The following WWOX variants were observed in gnomAD, a reference collection of about 807,000 sequenced individuals.
The protein encoded by WWOX is WW domain-containing oxidoreductase.
A neutral mutation model predicts 46.2 loss-of-function variants in WWOX; 69 were observed. That is an observed-to-expected ratio of 1.49 (90% confidence interval 1.23 to 1.82). The LOEUF is 1.82. Among genes scored for constraint, WWOX ranks in the 40% most tolerant of loss-of-function variants. The probability of loss-of-function intolerance (pLI) is 0.00; values close to 1 mark genes in which losing one functional copy is unlikely to be tolerated. For synonymous variants in WWOX, 359 were observed against 202.6 expected (o/e 1.77, Z -6.56); for missense variants, 919 against 542.6 (o/e 1.69, Z -6.89).
intron 5 of WWOX, among the ~76,000 whole-genome samples, chr16:78,186,652 C>G (rs978550726): frequency 6.6e-6 from 1 of 152,174 alleles, no homozygotes; most frequent in African/African-American, 2.4e-5. Flanking sequence ...GTAATCCCAG[C>G]TACTGAGGAG....
At chr16:78,285,961 A>G (rs555364957) in intron 5 of WWOX, among the ~76,000 whole-genome samples, 1 of 152,152 alleles carries the variant, frequency 6.6e-6, no homozygotes, top group Non-Finnish European at 1.5e-5. Flanking sequence ...CCTGCTAGTG[A>G]ATTATGCATG....
At chr16:78,819,877 T>C (rs1475966253) in intron 8 of WWOX, among the ~76,000 whole-genome samples, 1 of 152,244 alleles carries the variant, frequency 6.6e-6, no homozygotes, top group Non-Finnish European at 1.5e-5. Flanking sequence ...TGAGTGAGAC[T>C]TGAACTCGAT....
At chr16:79,203,823 G>A (rs1403378680) in intron 8 of WWOX, 1 of 152,198 alleles carries the variant, frequency 6.6e-6, no homozygotes, top group East Asian at 1.9e-4. Flanking sequence ...TTATTTTGGT[G>A]TAGATGGCGA....
chr16:78,517,855 AT>A (rs11342538), intron 8 of WWOX, among the ~76,000 whole-genome samples: 40,937 of 86,068 alleles, frequency 0.48, 9,666 homozygotes, highest in Non-Finnish European at 0.6. Context: ...TACACAACCT[AT>A]TTTTTTTTTT....
intron 8 of WWOX, among the ~76,000 whole-genome samples, chr16:78,920,382 T>C (rs559473206): frequency 1.3e-5 from 2 of 152,288 alleles, no homozygotes; most frequent in East Asian, 3.9e-4. Context: ...TGTGATGCTT[T>C]CCTCCTTGTG....
intron 8 of WWOX, among the ~76,000 whole-genome samples, chr16:79,202,049 C>A (rs1265263138): frequency 7.0e-6 from 1 of 143,626 alleles, no homozygotes; most frequent in African/African-American, 2.7e-5. Context: ...AAATCTGGCC[C>A]AGTGCCTTTT....
At chr16:78,715,635 A>G (rs1454442529) in intron 8 of WWOX, among the ~76,000 whole-genome samples, 1 of 152,050 alleles carries the variant, frequency 6.6e-6, no homozygotes, top group African/African-American at 2.4e-5. Flanking sequence ...ACATGCCACC[A>G]CACCCAGCTT....
intron 8 of WWOX, among the ~76,000 whole-genome samples, chr16:79,184,770 A>G (rs944118990): frequency 1.1e-4 from 17 of 152,226 alleles, no homozygotes; most frequent in Admixed American, 2.0e-4. Flanking sequence ...GGAGGCACCA[A>G]TGGCAATTTG....
At chr16:78,689,337 A>G (rs1049092658) in intron 8 of WWOX, among the ~76,000 whole-genome samples, 8 of 152,292 alleles carry the variant, frequency 5.3e-5, no homozygotes, top group African/African-American at 1.9e-4. Context: ...CATGCTCTCT[A>G]AACACCCCAG....
At chr16:78,355,963 T>A in intron 5 of WWOX, 1 of 193,374 alleles carries the variant, frequency 5.2e-6, no homozygotes. Flanking sequence ...ATTCTTCCAC[T>A]CCTGAAATGA....
Position 78,593,872 on chromosome 16 carries a change from A to G in WWOX, c.1056+161120A>G, listed in dbSNP as rs1245200828. Among the ~76,000 whole-genome samples, 3 of 152,198 alleles carry G rather than the reference A, an allele frequency of 2.0e-5. No homozygotes were observed. The East Asian group carries it at 5.8e-4, about 29-fold the overall frequency. On this transcript the variant is annotated intron_variant, in intron 8 of 8. Transcript: ENST00000566780. ...GGGTCAGCTGGGCCATACATTTGTA[A>G]GCTGTAGACAAACAAAAATGATCTT...
chr16:78,270,942 G>C (rs2079465031), intron 5 of WWOX, among the ~76,000 whole-genome samples: 1 of 152,136 alleles, frequency 6.6e-6, no homozygotes, highest in African/African-American at 2.4e-5. Context: ...TTTCCTGTTT[G>C]CGTTCAGGTC....
intron 3 of WWOX, among the ~76,000 whole-genome samples, chr16:78,113,890 G>A (rs376228487): frequency 4.5e-4 from 68 of 152,114 alleles, no homozygotes; most frequent in African/African-American, 1.5e-3. Flanking sequence ...TTGAGTCTTG[G>A]TACTTATAGG....
chr16:78,841,142 G>A (rs2052135208), intron 8 of WWOX, among the ~76,000 whole-genome samples: 1 of 152,120 alleles, frequency 6.6e-6, no homozygotes, highest in African/African-American at 2.4e-5. Context: ...AATTCCCTGT[G>A]CTTATACAGA....
At chr16:78,394,722 A>AG (rs1182297783) in intron 6 of WWOX, among the ~76,000 whole-genome samples, 1 of 152,214 alleles carries the variant, frequency 6.6e-6, no homozygotes. Context: ...AAGCAGCCAT[A>AG]GATAGTATGG....
At chr16:78,825,990 C>G in intron 8 of WWOX, 1 of 730,878 alleles carries the variant, frequency 1.4e-6, no homozygotes, top group South Asian at 2.5e-5. Flanking sequence ...ATGCCCCAGC[C>G]AGTCCCCATA....
intron 8 of WWOX, among the ~76,000 whole-genome samples, chr16:78,511,632 G>T (rs902257010): frequency 1.3e-5 from 2 of 152,154 alleles, no homozygotes; most frequent in Non-Finnish European, 2.9e-5. Context: ...GACAGAGGTT[G>T]CCAATAAAGT....
intron 8 of WWOX, among the ~76,000 whole-genome samples, chr16:78,848,344 C>G (rs151030688): frequency 6.6e-6 from 1 of 152,318 alleles, no homozygotes; most frequent in East Asian, 1.9e-4. Context: ...CCTTCCCAGA[C>G]AGTCTAACTA....
intron 4 of WWOX, among the ~76,000 whole-genome samples, chr16:78,150,067 C>T (rs543290770): frequency 6.6e-6 from 1 of 152,208 alleles, no homozygotes; most frequent in African/African-American, 2.4e-5. Flanking sequence ...TCCCCTACTT[C>T]AAATGCCAGT....
Sources: gnomAD v4.1 joint callset for allele counts (sites outside exome capture counted in the v4.1 genomes callset) on GRCh38, gnomAD v4.1.1 for gene constraint, MANE v1.5 for transcripts, NCBI Gene and HGNC (gene_info 2026-07-23, HGNC 2026-07-21) for gene names.